Variants in PDE4D observed in about 807,000 individuals in gnomAD.
The protein encoded by PDE4D is phosphodiesterase 4D, also known as 3',5'-cyclic-AMP phosphodiesterase 4D.
In PDE4D, 24 loss-of-function variants were observed where a neutral mutation model predicts 87.4. The observed-to-expected ratio is 0.27, with a 90% CI of 0.20 to 0.39. The LOEUF is 0.39. PDE4D is among the 10% of genes least tolerant of loss of function. The pLI is 1.00. For synonymous variants in PDE4D, 384 were observed against 383.2 expected (o/e 1.00, Z -0.02); for missense variants, 714 against 1,041.0 (o/e 0.69, Z 4.32).
At chr5:59,935,295 C>T (rs1756443826) in intron 3 of PDE4D, among the ~76,000 whole-genome samples, 1 of 151,814 alleles carries the variant, frequency 6.6e-6, no homozygotes, top group African/African-American at 2.4e-5. Context: ...TTGGGCATGA[C>T]TTAGGGGTTG....
chr5:58,996,139 C>T (rs550453637), intron 6 of PDE4D, among the ~76,000 whole-genome samples: 24 of 151,940 alleles, frequency 1.6e-4, no homozygotes, highest in African/African-American at 5.8e-4. Flanking sequence ...GGCCTATGAG[C>T]GGGTAGGGAG....
At chr5:59,128,356 A>C (rs866160648) in intron 5 of PDE4D, among the ~76,000 whole-genome samples, 8 of 152,182 alleles carry the variant, frequency 5.3e-5, no homozygotes, top group African/African-American at 1.9e-4. Flanking sequence ...ATAGGAAAAT[A>C]GTATCACTAA....
chr5:59,892,864 T>G (rs1041597505), intron 1 of PDE4D, among the ~76,000 whole-genome samples: 3 of 150,406 alleles, frequency 2.0e-5, no homozygotes, highest in African/African-American at 7.4e-5. Flanking sequence ...AGAGGGCTGG[T>G]GCGTGGCACA....
intron 1 of PDE4D, among the ~76,000 whole-genome samples, chr5:59,693,896 A>G (rs1011368947): frequency 6.6e-6 from 1 of 152,208 alleles, no homozygotes; most frequent in African/African-American, 2.4e-5. Flanking sequence ...TCTACTGAAT[A>G]TGTGGATCAG....
At chr5:60,504,341 T>A (rs1196458684) in intron 1 of PDE4D, among the ~76,000 whole-genome samples, 1 of 152,174 alleles carries the variant, frequency 6.6e-6, no homozygotes, top group African/African-American at 2.4e-5. Context: ...TAAGGTTTTT[T>A]TTTTTAGGTC....
chr5:59,538,449 C>G (rs1815669472), intron 1 of PDE4D, among the ~76,000 whole-genome samples: 1 of 152,190 alleles, frequency 6.6e-6, no homozygotes. Context: ...GAATGGCCTA[C>G]TGTTCTTCTA....
At chr5:59,910,470 A>AACTACATCCATG (rs1753322894) in intron 3 of PDE4D, among the ~76,000 whole-genome samples, 1 of 152,228 alleles carries the variant, frequency 6.6e-6, no homozygotes, top group Non-Finnish European at 1.5e-5. Context: ...AAAGAGCTAT[A>AACTACATCCATG]ACTACATCCA....
At chr5:60,379,137 T>C (rs1166675318) in intron 1 of PDE4D, among the ~76,000 whole-genome samples, 2 of 151,098 alleles carry the variant, frequency 1.3e-5, no homozygotes, top group Non-Finnish European at 2.9e-5. Context: ...CTATTGGCAC[T>C]GAATTTGGAA....
At chr5:60,151,449 A>G (rs1272672681) in intron 2 of PDE4D, among the ~76,000 whole-genome samples, 3 of 152,178 alleles carry the variant, frequency 2.0e-5, no homozygotes, top group Non-Finnish European at 4.4e-5. Flanking sequence ...TTAACGTTGT[A>G]TAGTTTTCAG....
intron 1 of PDE4D, among the ~76,000 whole-genome samples, chr5:59,531,576 G>T (rs1432471151): frequency 6.6e-6 from 1 of 152,148 alleles, no homozygotes; most frequent in Non-Finnish European, 1.5e-5. Flanking sequence ...TGTCTTCAGG[G>T]TTGCATTCCT....
chr5:59,970,455 T>C (rs544360382), intron 3 of PDE4D, among the ~76,000 whole-genome samples: 274 of 152,132 alleles, frequency 1.8e-3, no homozygotes, highest in Non-Finnish European at 3.2e-3. Context: ...CGCAACCTAC[T>C]CATCTGACAA....
chr5:59,489,347 T>TG (rs1805770552), intron 1 of PDE4D, among the ~76,000 whole-genome samples: 2 of 152,194 alleles, frequency 1.3e-5, no homozygotes, highest in African/African-American at 2.4e-5. Context: ...GGCTTCTACT[T>TG]GCTTGAGCTC....
chr5:60,178,565 TG>T (rs1412179077), intron 2 of PDE4D, among the ~76,000 whole-genome samples: 4 of 152,146 alleles, frequency 2.6e-5, no homozygotes, highest in African/African-American at 9.7e-5. Context: ...CTAGGTCTCT[TG>T]GTATGTTCAA....
intron 2 of PDE4D, among the ~76,000 whole-genome samples, chr5:60,109,785 C>T (rs1777475871): frequency 6.6e-6 from 1 of 151,780 alleles, no homozygotes; most frequent in South Asian, 2.1e-4. Context: ...ACCGCATATT[C>T]TCACTCATAG....
chr5:59,505,646 T>C (rs909061580), intron 1 of PDE4D, among the ~76,000 whole-genome samples: 5 of 152,208 alleles, frequency 3.3e-5, no homozygotes, highest in Non-Finnish European at 7.3e-5. Context: ...CATTTTACTA[T>C]TGGAAACCAA....
chr5:59,545,754 T>C (rs1817161832), intron 1 of PDE4D, among the ~76,000 whole-genome samples: 1 of 152,128 alleles, frequency 6.6e-6, no homozygotes, highest in South Asian at 2.1e-4. Flanking sequence ...ACTGTAAAAA[T>C]TCACAATATA....
intron 1 of PDE4D, among the ~76,000 whole-genome samples, chr5:60,418,633 G>C (rs1408333161): frequency 6.6e-6 from 1 of 150,690 alleles, no homozygotes; most frequent in Non-Finnish European, 1.5e-5. Context: ...ATATTTATGG[G>C]GTACATGAGA....
intron 1 of PDE4D, among the ~76,000 whole-genome samples, chr5:59,306,363 G>A (rs1232380186): frequency 1.3e-5 from 2 of 152,182 alleles, no homozygotes; most frequent in Non-Finnish European, 1.5e-5. Flanking sequence ...CATCTTTTAA[G>A]TGGAGCATTT....
chr5:60,242,674 G>A (rs1747262786), intron 1 of PDE4D, among the ~76,000 whole-genome samples: 1 of 152,126 alleles, frequency 6.6e-6, no homozygotes, highest in South Asian at 2.1e-4. Context: ...ATTAAAACAA[G>A]AGGAATTTTG....
Sources: gnomAD v4.1 joint callset for allele counts (sites outside exome capture counted in the v4.1 genomes callset) on GRCh38, gnomAD v4.1.1 for gene constraint, MANE v1.5 for transcripts, NCBI Gene and HGNC (gene_info 2026-07-23, HGNC 2026-07-21) for gene names.